The following CAMKMT variants were observed in gnomAD, a reference collection of about 807,000 sequenced individuals.
CAMKMT encodes the protein CaM KMT.
Under a neutral mutation model 48.0 loss-of-function variants are expected in CAMKMT, and 53 were observed. The observed-to-expected ratio is 1.10, with a 90% CI of 0.89 to 1.39. The LOEUF (loss-of-function observed/expected upper bound fraction) is 1.39. Ranked by LOEUF, CAMKMT falls within the 40% of genes most tolerant of loss-of-function variation. The pLI is 0.00. For missense variants in CAMKMT, 428 were observed against 402.7 expected, an observed-to-expected ratio of 1.06 and a Z score of -0.54; for synonymous variants, 165 against 152.3, an observed-to-expected ratio of 1.08 and a Z score of -0.61.
intron 3 of CAMKMT, among the ~76,000 whole-genome samples, chr2:44,584,905 A>G (rs1189378529): frequency 6.6e-6 from 1 of 151,960 alleles, no homozygotes; most frequent in African/African-American, 2.4e-5. Flanking sequence ...ATACAAAAAA[A>G]TTATCCGGGC....
At chr2:44,388,004 G>A (rs936063106) in intron 2 of CAMKMT, among the ~76,000 whole-genome samples, 1 of 152,192 alleles carries the variant, frequency 6.6e-6, no homozygotes, top group African/African-American at 2.4e-5. Flanking sequence ...ATGGCAGTGT[G>A]CCTGGGTGAT....
intron 3 of CAMKMT, among the ~76,000 whole-genome samples, chr2:44,451,317 T>A (rs1212471471): frequency 1.3e-5 from 2 of 152,074 alleles, no homozygotes; most frequent in African/African-American, 4.8e-5. Flanking sequence ...TGAATAGTTT[T>A]CATTTCTGAT....
intron 3 of CAMKMT, among the ~76,000 whole-genome samples, chr2:44,468,915 G>T (rs1668269719): frequency 6.6e-6 from 1 of 152,030 alleles, no homozygotes; most frequent in Admixed American, 6.6e-5. Context: ...GTGAGACCCT[G>T]TCTCAAAAAC....
chr2:44,587,488 CTCCACGGTCTCCT>C (rs1669926309), intron 3 of CAMKMT, among the ~76,000 whole-genome samples: 1 of 136,480 alleles, frequency 7.3e-6, no homozygotes, highest in South Asian at 3.0e-4. Flanking sequence ...CTCCCTCTCT[CTCCACGGTCTCCT>C]TCCACGGTCT....
At chr2:44,750,530 T>G (rs1680111077) in intron 8 of CAMKMT, among the ~76,000 whole-genome samples, 2 of 152,202 alleles carry the variant, frequency 1.3e-5, no homozygotes, top group Admixed American at 1.3e-4. Context: ...TATTTATTTA[T>G]TGCTTTGCAA....
chr2:44,521,575 G>A (rs753773807), intron 3 of CAMKMT, among the ~76,000 whole-genome samples: 24 of 152,314 alleles, frequency 1.6e-4, no homozygotes, highest in Non-Finnish European at 2.5e-4. Flanking sequence ...CATCACGCCC[G>A]TCTAGTATCC....
At chr2:44,365,044 A>G (rs1678444396) in intron 1 of CAMKMT, among the ~76,000 whole-genome samples, 1 of 152,238 alleles carries the variant, frequency 6.6e-6, no homozygotes, top group African/African-American at 2.4e-5. Context: ...TCGATCACAT[A>G]TATTAAACAT....
intron 3 of CAMKMT, among the ~76,000 whole-genome samples, chr2:44,604,392 A>T (rs911307371): frequency 4.6e-5 from 7 of 152,154 alleles, no homozygotes. Context: ...TTATCATACA[A>T]GGTGTGACTA....
chr2:44,460,560 T>C (rs962905705), intron 3 of CAMKMT, among the ~76,000 whole-genome samples: 53 of 152,278 alleles, frequency 3.5e-4, no homozygotes, highest in Admixed American at 6.5e-4. Context: ...GACTTTCTGT[T>C]CATTTAAAAA....
At chr2:44,388,522 T>C (rs2104407968) in intron 2 of CAMKMT, among the ~76,000 whole-genome samples, 1 of 152,312 alleles carries the variant, frequency 6.6e-6, no homozygotes, top group East Asian at 1.9e-4. Context: ...AGGGATTTCT[T>C]CTTGGTCCGG....
chr2:44,693,219 G>A (rs1477269061), intron 3 of CAMKMT, among the ~76,000 whole-genome samples: 1 of 152,164 alleles, frequency 6.6e-6, no homozygotes, highest in Non-Finnish European at 1.5e-5. Flanking sequence ...AGAGTAGCCA[G>A]AATTATCTTC....
intron 3 of CAMKMT, among the ~76,000 whole-genome samples, chr2:44,550,091 A>G (rs991891577): frequency 1.3e-5 from 2 of 152,194 alleles, no homozygotes; most frequent in African/African-American, 4.8e-5. Flanking sequence ...AAAGAACATC[A>G]GCATATATGT....
At chr2:44,403,592 C>G (rs1389595671) in intron 3 of CAMKMT, among the ~76,000 whole-genome samples, 1 of 151,890 alleles carries the variant, frequency 6.6e-6, no homozygotes, top group Non-Finnish European at 1.5e-5. Context: ...CTTTATGAAC[C>G]TTCATTTTGT....
chr2:44,542,963 T>C (rs1440104053), intron 3 of CAMKMT, among the ~76,000 whole-genome samples: 1 of 152,190 alleles, frequency 6.6e-6, no homozygotes, highest in African/African-American at 2.4e-5. Flanking sequence ...TCACTATTAT[T>C]AAGCTTTTAA....
chr2:44,676,881 T>A (rs1308371403), intron 3 of CAMKMT: 4 of 152,248 alleles, frequency 2.6e-5, no homozygotes, highest in Non-Finnish European at 5.9e-5. Context: ...TTTTAAAAAA[T>A]TCTGTCTTCC....
intron 10 of CAMKMT, 44 bp from the exon 11 acceptor site, chr2:44,771,992 T>G: frequency 7.6e-7 from 1 of 1,313,710 alleles, no homozygotes; most frequent in Non-Finnish European, 1.1e-6. Context: ...TAAAGATCCC[T>G]AATTGGAGTC....
intron 3 of CAMKMT, among the ~76,000 whole-genome samples, chr2:44,528,946 A>C (rs1245375556): frequency 6.6e-6 from 1 of 151,528 alleles, no homozygotes; most frequent in Non-Finnish European, 1.5e-5. Flanking sequence ...CTGTTTGTCT[A>C]TTTTATGATG....
At chr2:44,422,707 T>C (rs1237079237) in intron 3 of CAMKMT, among the ~76,000 whole-genome samples, 1 of 152,158 alleles carries the variant, frequency 6.6e-6, no homozygotes, top group African/African-American at 2.4e-5. Flanking sequence ...TTTTTTTTTT[T>C]TTAATTTTCA....
chr2:44,518,542 C>G (rs535650414), intron 3 of CAMKMT, among the ~76,000 whole-genome samples: 1 of 152,252 alleles, frequency 6.6e-6, no homozygotes, highest in African/African-American at 2.4e-5. Flanking sequence ...AAAAATTAGT[C>G]AACTCAATTA....
Sources: gnomAD v4.1 joint callset for allele counts (sites outside exome capture counted in the v4.1 genomes callset) on GRCh38, gnomAD v4.1.1 for gene constraint, MANE v1.5 for transcripts, NCBI Gene and HGNC (gene_info 2026-07-23, HGNC 2026-07-21) for gene names.